Variants in FSTL4 observed in about 807,000 individuals in gnomAD.
The protein encoded by FSTL4 is follistatin like 4, also known as follistatin-related protein 4.
In FSTL4, 28 loss-of-function variants were observed where a neutral mutation model predicts 78.2. The observed-to-expected ratio is 0.36, with a 90% CI of 0.27 to 0.49. The LOEUF (loss-of-function observed/expected upper bound fraction) is 0.49. Among genes scored for constraint, FSTL4 ranks in the 20% least tolerant of loss-of-function variants. FSTL4 has a pLI of 0.98. For synonymous variants in FSTL4, 422 were observed against 440.5 expected (o/e 0.96, Z 0.53); for missense variants, 922 against 1,084.9 (o/e 0.85, Z 2.11).
intron 3 of FSTL4, chr5:133,457,708 CAA>C (rs1757519881): frequency 6.6e-6 from 1 of 152,256 alleles, no homozygotes; most frequent in Non-Finnish European, 1.5e-5. Flanking sequence ...GTCAGCATCT[CAA>C]GTCTGCATTG....
At chr5:133,267,104 G>A (rs17166474) in intron 6 of FSTL4, among the ~76,000 whole-genome samples, 3,518 of 152,284 alleles carry the variant, frequency 0.023, 132 homozygotes, top group African/African-American at 0.081. Flanking sequence ...CACTTTTCCC[G>A]GGAGGAGGAA....
chr5:133,289,058 C>G (rs1753199224), intron 6 of FSTL4, among the ~76,000 whole-genome samples: 1 of 152,152 alleles, frequency 6.6e-6, no homozygotes, highest in African/African-American at 2.4e-5. Context: ...GTATGCCCCT[C>G]TTTCATGCAG....
chr5:133,800,927 A>T, the FSTL4 span, among the ~76,000 whole-genome samples: 1 of 147,294 alleles, frequency 6.8e-6, no homozygotes, highest in Non-Finnish European at 1.5e-5. Context: ...GGAAGCAGGC[A>T]CCGGTGGGAG....
chr5:133,758,500 C>G, the FSTL4 span, among the ~76,000 whole-genome samples: 1 of 152,012 alleles, frequency 6.6e-6, no homozygotes, highest in Admixed American at 6.6e-5. Context: ...CACTCTTCTC[C>G]CAAGTAAAGG....
intron 2 of FSTL4, among the ~76,000 whole-genome samples, chr5:133,591,320 A>G (rs17166853): frequency 0.02 from 3,103 of 152,296 alleles, 121 homozygotes; most frequent in African/African-American, 0.071. Context: ...GCAAAGATTT[A>G]ACAGCACAAG....
At chr5:133,252,323 A>C (rs1311243628) in intron 6 of FSTL4, 3 of 152,212 alleles carry the variant, frequency 2.0e-5, no homozygotes, top group Non-Finnish European at 4.4e-5. Context: ...TCTTGGAGGC[A>C]GCAGCAGGGC....
chr5:133,678,899 G>A, the FSTL4 span, among the ~76,000 whole-genome samples: 2 of 152,078 alleles, frequency 1.3e-5, no homozygotes, highest in African/African-American at 4.8e-5. Flanking sequence ...TGGGAGGGTG[G>A]GCGTGGCAGG....
At chr5:133,241,120 AGAG>A (rs1335702349) in intron 7 of FSTL4, among the ~76,000 whole-genome samples, 6 of 152,338 alleles carry the variant, frequency 3.9e-5, no homozygotes, top group Middle Eastern at 3.4e-3. Flanking sequence ...CTCCACTGGG[AGAG>A]GAGAACAGAG....
chr5:133,410,984 G>C (rs1317351070), intron 3 of FSTL4, among the ~76,000 whole-genome samples: 3 of 152,214 alleles, frequency 2.0e-5, no homozygotes, highest in Non-Finnish European at 4.4e-5. Context: ...GTGGGCCTGA[G>C]GGTTCTGGGA....
At chr5:133,349,246 T>G (rs568370307) in intron 4 of FSTL4, among the ~76,000 whole-genome samples, 1 of 151,698 alleles carries the variant, frequency 6.6e-6, no homozygotes, top group East Asian at 1.9e-4. Flanking sequence ...CTCTTTTAAT[T>G]GCTAAAAGAT....
intron 4 of FSTL4, among the ~76,000 whole-genome samples, chr5:133,384,115 G>C (rs1343907858): frequency 6.6e-6 from 1 of 152,182 alleles, no homozygotes; most frequent in Admixed American, 6.5e-5. Flanking sequence ...AAAGACTTCT[G>C]GAATCAAGCT....
chr5:133,721,173 C>A, the FSTL4 span, among the ~76,000 whole-genome samples: 25 of 152,148 alleles, frequency 1.6e-4, no homozygotes, highest in African/African-American at 5.8e-4. Context: ...ATCTTTTTTA[C>A]CCTCTACCCA....
chr5:133,348,313 A>G (rs779476190), intron 4 of FSTL4, among the ~76,000 whole-genome samples: 1 of 152,248 alleles, frequency 6.6e-6, no homozygotes, highest in Non-Finnish European at 1.5e-5. Context: ...TAAAGTTTAG[A>G]GTCTAAGCAG....
At chr5:133,641,654 C>A in the FSTL4 span, among the ~76,000 whole-genome samples, 1 of 152,008 alleles carries the variant, frequency 6.6e-6, no homozygotes, top group Non-Finnish European at 1.5e-5. Flanking sequence ...TATAGTATGG[C>A]TTTTAGTAGC....
intron 6 of FSTL4, among the ~76,000 whole-genome samples, chr5:133,268,671 G>A (rs540985978): frequency 1.2e-4 from 18 of 152,188 alleles, no homozygotes; most frequent in Middle Eastern, 3.4e-3. Context: ...TCCTAACTTT[G>A]GAAACCATAA....
rs2278232 is a variant in FSTL4 at position 133,312,639 on chromosome 5, T to A, written c.727+15A>T. On this transcript the variant is annotated intron_variant, in intron 6 of 15. Transcript: ENST00000265342. ...CTGCAGAAATAAGCCCTTTTCCCAC[T>A]GGGACCCAACTTACGGAAGGCCATG... 4.3e-6 allele frequency: 7 copies of A among 1,613,368 alleles called. No homozygotes were observed. The East Asian group carries it at 1.1e-4, about 26-fold the overall frequency.
intron 4 of FSTL4, among the ~76,000 whole-genome samples, chr5:133,341,102 C>T (rs1434129481): frequency 6.6e-6 from 1 of 152,152 alleles, no homozygotes; most frequent in Non-Finnish European, 1.5e-5. Flanking sequence ...AGAGACCAGG[C>T]TCTAAAGACA....
At chr5:133,216,787 T>C (rs1750921164) in intron 13 of FSTL4, among the ~76,000 whole-genome samples, 1 of 152,246 alleles carries the variant, frequency 6.6e-6, no homozygotes, top group East Asian at 1.9e-4. Flanking sequence ...CTGACTGGCC[T>C]CCGAGGCCCT....
chr5:133,280,229 C>T (rs969109928), intron 6 of FSTL4, among the ~76,000 whole-genome samples: 1 of 152,160 alleles, frequency 6.6e-6, no homozygotes. Flanking sequence ...TGCTCTGACC[C>T]CTGGCCAATC....
Sources: gnomAD v4.1 joint callset for allele counts (sites outside exome capture counted in the v4.1 genomes callset) on GRCh38, gnomAD v4.1.1 for gene constraint, MANE v1.5 for transcripts, NCBI Gene and HGNC (gene_info 2026-07-23, HGNC 2026-07-21) for gene names.